Variants in RHOBTB3 observed in about 807,000 individuals in gnomAD.
The protein encoded by RHOBTB3 is rho-related BTB domain-containing protein 3.
RHOBTB3 carries 47 observed loss-of-function variants against 67.2 expected under a neutral mutation model. The ratio of observed to expected loss-of-function variants is 0.70; its 90% CI spans 0.55 to 0.89. RHOBTB3 has a LOEUF of 0.89. Ranked by LOEUF, RHOBTB3 falls within the 40% of genes least tolerant of loss-of-function variation. RHOBTB3 has a pLI of 0.00. For missense variants in RHOBTB3, 631 were observed against 750.0 expected (o/e 0.84, Z 1.85); for synonymous variants, 273 against 274.2 (o/e 1.00, Z 0.04).
At chr5:95,729,311 A>G (rs2052218909), upstream of RHOBTB3, among the ~76,000 whole-genome samples, 1 of 152,146 alleles carries the variant, frequency 6.6e-6, no homozygotes, top group Non-Finnish European at 1.5e-5. Flanking sequence ...GTCAATGACC[A>G]AGTCTTATGT....
At chr5:95,773,331 TCTAAAACCAA>T (rs2112820931) in intron 8 of RHOBTB3, among the ~76,000 whole-genome samples, 1 of 152,270 alleles carries the variant, frequency 6.6e-6, no homozygotes, top group African/African-American at 2.4e-5. Flanking sequence ...CTTCCCTAGC[TCTAAAACCAA>T]GTCTTCTTAG....
intron 6 of RHOBTB3, among the ~76,000 whole-genome samples, chr5:95,761,410 A>G (rs1745390789): frequency 7.1e-6 from 1 of 141,640 alleles, no homozygotes; most frequent in African/African-American, 2.7e-5. Context: ...TGGCATGATC[A>G]TGGCTCACTG....
Position 95,788,867 on chromosome 5 carries a change from C to G in RHOBTB3, c.1720+9C>G. The G allele has an allele frequency of 1.3e-6, 2 of 1,481,660 alleles. No individual in the cohort carries two copies. Among genetic ancestry groups the G allele is most frequent in the Non-Finnish European group, 1.8e-6 (2 of 1,102,032 alleles). 91.8% of individuals were successfully genotyped at this position (1,481,660 alleles called of 1,614,324 possible). A position where few individuals can be genotyped will look rare whatever the true frequency, so the allele number is the denominator to read the frequency against. ...ATTTCAGGATCTTTCAGGTAGATTG[C>G]TAATTTCTGTTTTGAAAAGAAAACT... On this transcript the variant is annotated intron_variant, in intron 11 of 11. Transcript: ENST00000379982.
At chr5:95,766,963 A>G (rs1169981701) in intron 7 of RHOBTB3, among the ~76,000 whole-genome samples, 1 of 152,164 alleles carries the variant, frequency 6.6e-6, no homozygotes, top group Non-Finnish European at 1.5e-5. Context: ...TCACACCTGT[A>G]ATCCTAGCAT....
At chr5:95,787,671 TAAG>T (rs1746263455) in intron 10 of RHOBTB3, among the ~76,000 whole-genome samples, 2 of 152,308 alleles carry the variant, frequency 1.3e-5, no homozygotes, top group South Asian at 4.1e-4. Context: ...TATTCAGCCT[TAAG>T]AAGGAGTGAA....
chr5:95,725,185 G>A (rs1755018299), intron 1 of RHOBTB3, among the ~76,000 whole-genome samples: 1 of 152,096 alleles, frequency 6.6e-6, no homozygotes, highest in African/African-American at 2.4e-5. Flanking sequence ...AATAAATGGT[G>A]GCATATATTT....
intron 1 of RHOBTB3, among the ~76,000 whole-genome samples, chr5:95,721,568 C>T (rs1005430933): frequency 6.6e-6 from 1 of 151,528 alleles, no homozygotes; most frequent in Non-Finnish European, 1.5e-5. Context: ...TACACAAATG[C>T]ATATGTTTTA....
upstream of RHOBTB3, among the ~76,000 whole-genome samples, chr5:95,729,201 T>C (rs1755147344): frequency 2.0e-5 from 3 of 152,228 alleles, no homozygotes; most frequent in Admixed American, 2.0e-4. Flanking sequence ...GCTTTCACTT[T>C]ATGGACTTGC....
chr5:95,750,991 G>T (rs1745073472), intron 4 of RHOBTB3, among the ~76,000 whole-genome samples: 1 of 152,180 alleles, frequency 6.6e-6, no homozygotes, highest in Non-Finnish European at 1.5e-5. Flanking sequence ...CAGAAGTATA[G>T]AATATCTTTT....
At chr5:95,766,893 G>A (rs930568210) in intron 7 of RHOBTB3, among the ~76,000 whole-genome samples, 1 of 152,190 alleles carries the variant, frequency 6.6e-6, no homozygotes, top group African/African-American at 2.4e-5. Context: ...GAGTAGGAAG[G>A]ACAATTAGGA....
intron 3 of RHOBTB3, among the ~76,000 whole-genome samples, chr5:95,746,893 C>T (rs1053922316): frequency 1.3e-5 from 2 of 152,176 alleles, no homozygotes; most frequent in Non-Finnish European, 2.9e-5. Flanking sequence ...TTTTTACATA[C>T]ATGGTATGCA....
rs1746525165 is a variant in RHOBTB3 at position 95,794,805 on chromosome 5, C to T, written c.*1631C>T. On this transcript the variant is annotated 3_prime_UTR_variant, in exon 12 of 12. Transcript: ENST00000379982. ...AGCCCTTGTATGTATACCAACACTGCCAAAGTAAAACATTAGGTCAGGCAT... is the reference window on the plus strand; with the variant it reads ...AGCCCTTGTATGTATACCAACACTGTCAAAGTAAAACATTAGGTCAGGCAT... 6.6e-6 allele frequency: 1 copy of T among 152,044 alleles called. No homozygotes were observed. The highest frequency in any genetic ancestry group is 6.6e-5 in the Admixed American group (1 of 15,248). The allele number at this position is 152,044 out of a possible 1,614,324, so 9.4% of individuals were successfully genotyped here.
intron 3 of RHOBTB3, among the ~76,000 whole-genome samples, chr5:95,737,389 CTT>C (rs917595564): frequency 1.3e-5 from 2 of 152,200 alleles, no homozygotes; most frequent in Non-Finnish European, 2.9e-5. Flanking sequence ...CTAGAAAACT[CTT>C]TTTGATGATC....
chr5:95,774,593 A>C (rs149257583), intron 8 of RHOBTB3, among the ~76,000 whole-genome samples: 430 of 152,340 alleles, frequency 2.8e-3, no homozygotes, highest in African/African-American at 9.7e-3. Context: ...TGTCCTTGGA[A>C]TAGATTCCTT....
upstream of RHOBTB3, chr5:95,731,246 C>A: frequency 1.0e-6 from 1 of 1,004,864 alleles, no homozygotes; most frequent in South Asian, 4.4e-5. Flanking sequence ...GGGGCTGGCA[C>A]GTGCTGCGCC....
upstream of RHOBTB3, chr5:95,731,211 C>G (rs2112764917): frequency 2.0e-6 from 2 of 1,001,882 alleles, no homozygotes; most frequent in South Asian, 8.5e-5. Flanking sequence ...GCGGGGAGCG[C>G]GTCCCCCGCA....
At chr5:95,778,055 G>A (rs1376196381) in intron 8 of RHOBTB3, among the ~76,000 whole-genome samples, 2 of 152,018 alleles carry the variant, frequency 1.3e-5, no homozygotes, top group Non-Finnish European at 1.5e-5. Context: ...GGGAGGCGGA[G>A]GTTGTGGTGA....
intron 11 of RHOBTB3, 94 bp from the exon 12 acceptor site, chr5:95,792,965 G>C (rs1746459716): frequency 6.2e-6 from 5 of 806,734 alleles, no homozygotes; most frequent in African/African-American, 3.5e-5. Flanking sequence ...CACAGAGCTG[G>C]ATCTCATCTA....
intron 1 of RHOBTB3, among the ~76,000 whole-genome samples, chr5:95,724,028 G>A (rs766914242): frequency 6.6e-5 from 10 of 152,160 alleles, no homozygotes; most frequent in African/African-American, 9.7e-5. Context: ...ATGGTGATAC[G>A]TCATTTGATA....
Sources: allele counts gnomAD v4.1 joint callset (sites outside exome capture counted in the v4.1 genomes callset), GRCh38; gene constraint gnomAD v4.1.1; transcripts MANE v1.5; gene names NCBI Gene and HGNC (gene_info 2026-07-23, HGNC 2026-07-21).